Variants in MSRA observed in about 807,000 individuals in gnomAD.
MSRA encodes the protein methionine sulfoxide reductase A.
Under a neutral mutation model 31.3 loss-of-function variants are expected in MSRA, and 54 were observed. The observed-to-expected ratio is 1.73, with a 90% confidence interval of 1.39 to 2.17. MSRA has a LOEUF of 2.17. Ranked by LOEUF, MSRA falls within the 30% of genes most tolerant of loss-of-function variation. MSRA has a pLI of 0.00. For missense variants in MSRA, 507 were observed against 300.9 expected (o/e 1.69, Z -5.07); for synonymous variants, 169 against 116.5 (o/e 1.45, Z -2.90).
At chr8:10,055,097 C>T (rs1460220301) in intron 1 of MSRA, among the ~76,000 whole-genome samples, 1 of 152,136 alleles carries the variant, frequency 6.6e-6, no homozygotes, top group African/African-American at 2.4e-5. Flanking sequence ...AGTGTTGTCC[C>T]GGGAAATGCC....
chr8:10,348,077 G>A (rs1468175057), intron 5 of MSRA, among the ~76,000 whole-genome samples: 9 of 152,166 alleles, frequency 5.9e-5, no homozygotes, highest in South Asian at 2.1e-4. Flanking sequence ...TAACCCTCAC[G>A]TTAAGGTGGG....
chr8:10,145,521 A>G (rs1355922517), intron 1 of MSRA, among the ~76,000 whole-genome samples: 1 of 152,186 alleles, frequency 6.6e-6, no homozygotes, highest in Admixed American at 6.5e-5. Context: ...CGGCCCTGCA[A>G]GCAGGCATCC....
At chr8:10,351,469 G>T (rs1299657188) in intron 5 of MSRA, among the ~76,000 whole-genome samples, 2 of 151,994 alleles carry the variant, frequency 1.3e-5, no homozygotes, top group East Asian at 3.9e-4. Flanking sequence ...GACCAGGATG[G>T]TCTCGGTCTC....
chr8:10,057,778 A>G (rs892441672), intron 1 of MSRA, among the ~76,000 whole-genome samples: 10 of 152,148 alleles, frequency 6.6e-5, no homozygotes, highest in African/African-American at 1.2e-4. Context: ...CTCTTCTGCC[A>G]TGATTGTAAG....
chr8:10,145,207 C>T (rs139017212), intron 1 of MSRA, among the ~76,000 whole-genome samples: 8 of 152,282 alleles, frequency 5.3e-5, no homozygotes, highest in East Asian at 3.9e-4. Flanking sequence ...GAGAACCGTC[C>T]GATCGGAGCA....
intron 5 of MSRA, among the ~76,000 whole-genome samples, chr8:10,416,778 A>G (rs1299905109): frequency 6.6e-6 from 1 of 152,198 alleles, no homozygotes. Flanking sequence ...ATTTCTTGCA[A>G]ACTTTGCAGG....
chr8:10,264,430 T>C (rs1798638946), intron 3 of MSRA, among the ~76,000 whole-genome samples: 1 of 152,264 alleles, frequency 6.6e-6, no homozygotes, highest in African/African-American at 2.4e-5. Flanking sequence ...TTCAGAAGTT[T>C]AGCATTGAAT....
chr8:10,427,447 A>T (rs905790798), intron 5 of MSRA, among the ~76,000 whole-genome samples: 2 of 152,100 alleles, frequency 1.3e-5, no homozygotes, highest in Non-Finnish European at 2.9e-5. Flanking sequence ...TAGGACGCAG[A>T]GGGTGGTGAT....
At chr8:10,382,642 A>G (rs556581784) in intron 5 of MSRA, among the ~76,000 whole-genome samples, 1 of 152,192 alleles carries the variant, frequency 6.6e-6, no homozygotes, top group Non-Finnish European at 1.5e-5. Flanking sequence ...GGGTCCACCA[A>G]CTACAGTTAC....
chr8:10,285,479 C>T (rs1799884227), intron 3 of MSRA, among the ~76,000 whole-genome samples: 1 of 152,110 alleles, frequency 6.6e-6, no homozygotes, highest in Admixed American at 6.6e-5. Flanking sequence ...AGACGTTTAT[C>T]ATTTCTTTGT....
chr8:10,291,130 C>G (rs1451478100), intron 3 of MSRA, among the ~76,000 whole-genome samples: 6 of 152,156 alleles, frequency 3.9e-5, no homozygotes. Flanking sequence ...CTCCAGTGCA[C>G]AAAGAATTAA....
At chr8:10,291,855 G>A (rs2129117260) in intron 3 of MSRA, among the ~76,000 whole-genome samples, 1 of 152,222 alleles carries the variant, frequency 6.6e-6, no homozygotes, top group South Asian at 2.1e-4. Flanking sequence ...AATAAACTAA[G>A]TCAAGTCTTT....
intron 1 of MSRA, among the ~76,000 whole-genome samples, chr8:10,060,277 A>G (rs985877499): frequency 6.6e-6 from 1 of 152,178 alleles, no homozygotes; most frequent in African/African-American, 2.4e-5. Flanking sequence ...ATGCAGCTGT[A>G]AAAAAGAATG....
chr8:10,232,199 G>C (rs758249124), intron 2 of MSRA, among the ~76,000 whole-genome samples: 3 of 152,184 alleles, frequency 2.0e-5, no homozygotes, highest in African/African-American at 7.2e-5. Flanking sequence ...GGAGCATTTG[G>C]ATAAGACACT....
At chr8:10,103,339 A>G (rs1404004351) in intron 1 of MSRA, among the ~76,000 whole-genome samples, 2 of 152,178 alleles carry the variant, frequency 1.3e-5, no homozygotes, top group Admixed American at 1.3e-4. Context: ...ACAGATCTTA[A>G]AGATGATGCA....
At chr8:10,250,676 CTCG>C in intron 3 of MSRA, 1 of 566,924 alleles carries the variant, frequency 1.8e-6, no homozygotes, top group South Asian at 2.3e-5. Context: ...TGTGGGAGTC[CTCG>C]TGTGACCCTC....
chr8:10,204,186 T>C (rs553004927), intron 1 of MSRA, among the ~76,000 whole-genome samples: 5 of 152,248 alleles, frequency 3.3e-5, no homozygotes, highest in Admixed American at 2.6e-4. Flanking sequence ...AAGTAAAAAA[T>C]AGTTTAAAAG....
At chr8:10,413,106 G>A (rs1219132945) in intron 5 of MSRA, among the ~76,000 whole-genome samples, 1 of 152,224 alleles carries the variant, frequency 6.6e-6, no homozygotes, top group Non-Finnish European at 1.5e-5. Flanking sequence ...ACACCACACT[G>A]AGGAATGCGT....
chr8:10,427,627 G>T (rs966581102), intron 5 of MSRA, among the ~76,000 whole-genome samples: 1 of 152,126 alleles, frequency 6.6e-6, no homozygotes, highest in Non-Finnish European at 1.5e-5. Flanking sequence ...AGTGGGCTGG[G>T]GTCCTGTTCC....
Sources: gnomAD v4.1 joint callset for allele counts (sites outside exome capture counted in the v4.1 genomes callset) on GRCh38, gnomAD v4.1.1 for gene constraint, MANE v1.5 for transcripts, NCBI Gene and HGNC (gene_info 2026-07-23, HGNC 2026-07-21) for gene names.